UNC13C: variants seen among roughly 807,000 people sequenced by gnomAD.
UNC13C encodes unc-13 homolog C.
In UNC13C, 174 loss-of-function variants were observed where a neutral mutation model predicts 245.4. The observed-to-expected ratio is 0.71, with a 90% CI of 0.63 to 0.80. The LOEUF (loss-of-function observed/expected upper bound fraction) is 0.80, where lower values mean the gene tolerates loss of function less well. Ranked by LOEUF, UNC13C falls within the 30% of genes least tolerant of loss-of-function variation. UNC13C has a pLI of 0.00. For missense variants in UNC13C, 2,829 were observed against 2,602.9 expected (o/e 1.09, Z -1.89); for synonymous variants, 992 against 895.1 (o/e 1.11, Z -1.93).
the UNC13C span, among the ~76,000 whole-genome samples, chr15:53,907,183 T>G: frequency 1.3e-5 from 2 of 152,348 alleles, no homozygotes; most frequent in Non-Finnish European, 2.9e-5. Flanking sequence ...TTTCTTTGGG[T>G]GTATGAACTA....
chr15:54,274,568 C>T (rs963196615), intron 10 of UNC13C, among the ~76,000 whole-genome samples: 1 of 151,028 alleles, frequency 6.6e-6, no homozygotes, highest in African/African-American at 2.4e-5. Context: ...CTTCTATTAT[C>T]ACATAAATAT....
chr15:54,590,940 G>A (rs1898753290), intron 30 of UNC13C, among the ~76,000 whole-genome samples: 1 of 152,084 alleles, frequency 6.6e-6, no homozygotes, highest in Non-Finnish European at 1.5e-5. Context: ...TGTCATAGAT[G>A]GCTTTTATTA....
At chr15:54,185,141 T>C (rs1173457183) in intron 4 of UNC13C, among the ~76,000 whole-genome samples, 1 of 152,156 alleles carries the variant, frequency 6.6e-6, no homozygotes, top group Non-Finnish European at 1.5e-5. Flanking sequence ...GTAAATTTGT[T>C]TGAGTTCATT....
At chr15:54,386,288 T>G (rs1005878386) in intron 17 of UNC13C, among the ~76,000 whole-genome samples, 3 of 152,126 alleles carry the variant, frequency 2.0e-5, no homozygotes, top group Non-Finnish European at 4.4e-5. Context: ...ATGAAGAACA[T>G]CCAAGTGAGA....
chr15:54,321,331 C>T, intron 13 of UNC13C: 5 of 471,226 alleles, frequency 1.1e-5, no homozygotes, highest in South Asian at 8.1e-5. Flanking sequence ...TGATGTCCTT[C>T]AATGTCTTCT....
chr15:54,152,182 AT>A (rs754456546), intron 4 of UNC13C, among the ~76,000 whole-genome samples: 27 of 151,958 alleles, frequency 1.8e-4, no homozygotes, highest in Non-Finnish European at 3.5e-4. Context: ...CTCATTCACA[AT>A]TTTTTTTCTC....
intron 17 of UNC13C, among the ~76,000 whole-genome samples, chr15:54,371,205 C>T (rs548028528): frequency 1.3e-4 from 20 of 152,264 alleles, no homozygotes; most frequent in African/African-American, 4.8e-4. Context: ...CATTCCAGCC[C>T]CTGGTAACCA....
chr15:54,459,770 A>G (rs765929608), intron 19 of UNC13C, among the ~76,000 whole-genome samples: 2 of 150,768 alleles, frequency 1.3e-5, no homozygotes, highest in Admixed American at 6.6e-5. Context: ...TATGATGTCT[A>G]TTTATCTGGA....
chr15:54,264,123 G>A (rs781753242), intron 8 of UNC13C, 45 bp from the exon 9 acceptor site: 2 of 1,530,936 alleles, frequency 1.3e-6, no homozygotes, highest in South Asian at 2.4e-5. Flanking sequence ...CCATCAAAAA[G>A]TAATGGCATT....
intron 13 of UNC13C, among the ~76,000 whole-genome samples, chr15:54,312,378 T>C (rs1279936154): frequency 6.6e-6 from 1 of 151,810 alleles, no homozygotes; most frequent in Non-Finnish European, 1.5e-5. Flanking sequence ...TTTTCCACTT[T>C]CTGCCATTTC....
chr15:54,625,791 C>T (rs1015765451), intron 32 of UNC13C, among the ~76,000 whole-genome samples: 11 of 152,262 alleles, frequency 7.2e-5, no homozygotes, highest in Admixed American at 7.2e-4. Flanking sequence ...CAACATTTCA[C>T]TATCTACTTC....
chr15:54,421,666 G>A (rs1160103032), intron 19 of UNC13C, among the ~76,000 whole-genome samples: 1 of 152,064 alleles, frequency 6.6e-6, no homozygotes, highest in East Asian at 1.9e-4. Flanking sequence ...GGTGATTTAA[G>A]TAGCAAATGA....
chr15:54,100,002 G>C (rs1217067097), intron 2 of UNC13C, among the ~76,000 whole-genome samples: 1 of 151,380 alleles, frequency 6.6e-6, no homozygotes, highest in Non-Finnish European at 1.5e-5. Context: ...CAGGAGGCTG[G>C]GGTATGAGAA....
intron 2 of UNC13C, among the ~76,000 whole-genome samples, chr15:54,085,532 A>G (rs1899190716): frequency 6.6e-6 from 1 of 152,188 alleles, no homozygotes; most frequent in Non-Finnish European, 1.5e-5. Flanking sequence ...CCTAGTAGAA[A>G]CAAATAAATA....
intron 17 of UNC13C, among the ~76,000 whole-genome samples, chr15:54,378,969 A>G (rs932509306): frequency 2.0e-5 from 3 of 152,056 alleles, no homozygotes; most frequent in Non-Finnish European, 4.4e-5. Flanking sequence ...ACTCATTTAA[A>G]CTGAAAGGAC....
chr15:54,332,339 T>TGTG (rs763306749), intron 15 of UNC13C, among the ~76,000 whole-genome samples: 56 of 91,042 alleles, frequency 6.2e-4, no homozygotes, highest in African/African-American at 2.2e-3. Context: ...GTGTGTGTGT[T>TGTG]TGTGTATGCA....
chr15:54,298,357 T>G (rs1167791973), intron 12 of UNC13C, among the ~76,000 whole-genome samples: 1 of 152,182 alleles, frequency 6.6e-6, no homozygotes, highest in Non-Finnish European at 1.5e-5. Context: ...AGAGTTCAGA[T>G]TTTATTGAAG....
the UNC13C span, among the ~76,000 whole-genome samples, chr15:53,966,273 G>T: frequency 2.9e-4 from 44 of 152,184 alleles, no homozygotes; most frequent in African/African-American, 9.1e-4. Context: ...ATTGATGGTT[G>T]TATCTTTTTC....
chr15:54,143,484 G>C, intron 3 of UNC13C, 136 bp from the exon 4 acceptor site: 1 of 631,642 alleles, frequency 1.6e-6, no homozygotes, highest in South Asian at 2.1e-5. Flanking sequence ...TTGACTTGGA[G>C]CTGACCCTGC....
Sources: allele counts gnomAD v4.1 joint callset (sites outside exome capture counted in the v4.1 genomes callset), GRCh38; gene constraint gnomAD v4.1.1; transcripts MANE v1.5; gene names NCBI Gene and HGNC (gene_info 2026-07-23, HGNC 2026-07-21).